The following GPM6A variants were observed in gnomAD, a reference collection of about 807,000 sequenced individuals.
GPM6A encodes neuronal membrane glycoprotein M6-a.
In GPM6A, 7 loss-of-function variants were observed where a neutral mutation model predicts 32.1. That is an observed-to-expected ratio of 0.22 (90% CI 0.12 to 0.41). The LOEUF is 0.41. Among genes scored for constraint, GPM6A ranks in the 10% least tolerant of loss-of-function variants. The probability of loss-of-function intolerance (pLI) is 1.00; values close to 1 mark genes in which losing one functional copy is unlikely to be tolerated. For missense variants in GPM6A, 235 were observed against 347.2 expected, an observed-to-expected ratio of 0.68 and a Z score of 2.57; for synonymous variants, 130 against 123.4, an observed-to-expected ratio of 1.05 and a Z score of -0.35.
intron 1 of GPM6A, among the ~76,000 whole-genome samples, chr4:175,750,910 A>G (rs1052281436): frequency 6.6e-6 from 1 of 152,190 alleles, no homozygotes; most frequent in Non-Finnish European, 1.5e-5. Context: ...CTTTTAAAAT[A>G]GTTCCAGATG....
intron 1 of GPM6A, among the ~76,000 whole-genome samples, chr4:175,737,165 T>C (rs922788122): frequency 3.9e-5 from 6 of 152,186 alleles, no homozygotes; most frequent in Non-Finnish European, 8.8e-5. Flanking sequence ...TTTTGAACAC[T>C]CAAAACCCAA....
intron 1 of GPM6A, among the ~76,000 whole-genome samples, chr4:175,744,763 T>C (rs1365408195): frequency 6.6e-6 from 1 of 152,138 alleles, no homozygotes; most frequent in Non-Finnish European, 1.5e-5. Flanking sequence ...TGTCCATCAA[T>C]ACAAAACACT....
chr4:175,814,352 A>G (rs1735035528), upstream of GPM6A, among the ~76,000 whole-genome samples: 2 of 152,280 alleles, frequency 1.3e-5, no homozygotes, highest in Middle Eastern at 3.4e-3. Flanking sequence ...TAAATCACCA[A>G]GTAAGTCTTA....
intron 1 of GPM6A, among the ~76,000 whole-genome samples, chr4:175,946,894 A>C (rs562718995): frequency 2.2e-4 from 34 of 152,340 alleles, no homozygotes; most frequent in African/African-American, 7.7e-4. Flanking sequence ...TTATTCACGC[A>C]CAACTTCTGC....
chr4:175,940,840 C>A lies in GPM6A; in HGVS notation c.-23+61469G>T, dbSNP rs191279570. On this transcript the variant is annotated intron_variant, in intron 1 of 7. Coordinates refer to the GPM6A transcript ENST00000280187. ...GCCAGGCTAGTCTCGAACTCTTGAC[C>A]TTGTGATCCGCCAGCCTCAGCTTCC... Among the ~76,000 whole-genome samples the A allele has an allele frequency of 5.1e-3, 779 of 152,324 alleles. 2 individuals carry two copies. Among genetic ancestry groups the A allele is most frequent in the African/African-American group, 0.017 (724 of 41,574 alleles).
At chr4:175,902,090 A>G (rs1737987378) in intron 1 of GPM6A, among the ~76,000 whole-genome samples, 1 of 152,170 alleles carries the variant, frequency 6.6e-6, no homozygotes, top group South Asian at 2.1e-4. Context: ...AACTAGAAAC[A>G]ATCCAAAAGT....
intron 1 of GPM6A, among the ~76,000 whole-genome samples, chr4:175,975,547 A>G (rs569225254): frequency 6.6e-6 from 1 of 152,378 alleles, no homozygotes; most frequent in East Asian, 1.9e-4. Context: ...GAATGGGCAC[A>G]AAACAACCAA....
intron 1 of GPM6A, among the ~76,000 whole-genome samples, chr4:175,899,380 T>C (rs1285227735): frequency 6.6e-6 from 1 of 152,166 alleles, no homozygotes; most frequent in Non-Finnish European, 1.5e-5. Context: ...AAATACATGA[T>C]AAATGCTAAG....
intron 1 of GPM6A, among the ~76,000 whole-genome samples, chr4:175,789,613 G>A (rs1733932035): frequency 6.6e-6 from 1 of 152,166 alleles, no homozygotes; most frequent in Admixed American, 6.5e-5. Flanking sequence ...CCTAGGACAT[G>A]ATAACTTGCT....
rs143520480 is a variant in GPM6A at position 175,981,517 on chromosome 4, C to T, written c.-23+20792G>A. Reference sequence around the variant, plus strand: ...ATTGCCTTTAGAGTCTGGCTTCTTTCACTGAGCATGCATTTAAGATTCATC... The same window carrying T: ...ATTGCCTTTAGAGTCTGGCTTCTTTTACTGAGCATGCATTTAAGATTCATC... On this transcript the variant is annotated intron_variant, in intron 1 of 7. Coordinates refer to the GPM6A transcript ENST00000280187. Among the ~76,000 whole-genome samples, 32 of 152,272 alleles carry T rather than the reference C, an allele frequency of 2.1e-4. 1 individual carries two copies. In the East Asian group the frequency reaches 5.8e-3, roughly 28 times the overall value.
intron 1 of GPM6A, among the ~76,000 whole-genome samples, chr4:175,734,003 T>A (rs763636103): frequency 1.3e-5 from 2 of 152,118 alleles, no homozygotes; most frequent in Non-Finnish European, 2.9e-5. Flanking sequence ...TTTGTTCTAC[T>A]CAAAACTGAA....
rs1741102867 is a variant in GPM6A at position 175,640,920 on chromosome 4, C to G, written c.542-91G>C. Reference sequence around the variant, plus strand: ...TGAGTTTTTGCTAATCAAATCTAAGCAAGTTCCATTTTATCTTATGTTATG... The same window carrying G: ...TGAGTTTTTGCTAATCAAATCTAAGGAAGTTCCATTTTATCTTATGTTATG... On this transcript the variant is annotated intron_variant, in intron 4 of 6. Transcript: ENST00000393658. 12 of 743,820 alleles carry G rather than the reference C, an allele frequency of 1.6e-5. No individual in the cohort carries two copies. The South Asian group carries it at 1.8e-4, about 11-fold the overall frequency. 46.1% of individuals were successfully genotyped at this position (743,820 alleles called of 1,614,324 possible).
intron 1 of GPM6A, among the ~76,000 whole-genome samples, chr4:175,857,188 A>G (rs1448300379): frequency 6.6e-6 from 1 of 152,242 alleles, no homozygotes; most frequent in South Asian, 2.1e-4. Flanking sequence ...AATGTAATTG[A>G]TTCAATAAAC....
At chr4:175,892,854 C>T (rs1019269504) in intron 1 of GPM6A, among the ~76,000 whole-genome samples, 1 of 152,186 alleles carries the variant, frequency 6.6e-6, no homozygotes, top group Non-Finnish European at 1.5e-5. Flanking sequence ...GACTGATTTT[C>T]TTCCAGGGTT....
intron 1 of GPM6A, among the ~76,000 whole-genome samples, chr4:175,869,935 TA>T (rs1169067808): frequency 6.6e-6 from 1 of 152,182 alleles, no homozygotes; most frequent in Non-Finnish European, 1.5e-5. Flanking sequence ...GTATAGGCTT[TA>T]AAAAAATTAC....
intron 1 of GPM6A, among the ~76,000 whole-genome samples, chr4:175,889,757 G>A (rs1737581268): frequency 1.3e-5 from 2 of 151,154 alleles, no homozygotes; most frequent in Non-Finnish European, 2.9e-5. Context: ...AGCTTGCAGT[G>A]AGCCGAGATC....
At chr4:175,970,821 A>G in intron 1 of GPM6A, 3 of 451,962 alleles carry the variant, frequency 6.6e-6, no homozygotes, top group South Asian at 4.7e-5. Context: ...CTACTAAATT[A>G]CTAAGCTGTC....
chr4:175,754,980 C>T (rs1732474076), intron 1 of GPM6A, among the ~76,000 whole-genome samples: 1 of 151,960 alleles, frequency 6.6e-6, no homozygotes, highest in Admixed American at 6.6e-5. Flanking sequence ...AACACACACG[C>T]ACACAATTAC....
At chr4:175,941,545 A>G (rs1739405873) in intron 1 of GPM6A, among the ~76,000 whole-genome samples, 1 of 151,664 alleles carries the variant, frequency 6.6e-6, no homozygotes, top group African/African-American at 2.4e-5. Flanking sequence ...CCCTAACCCC[A>G]CCACCTCCCG....
Sources: allele counts gnomAD v4.1 joint callset (sites outside exome capture counted in the v4.1 genomes callset), GRCh38; gene constraint gnomAD v4.1.1; transcripts MANE v1.5; gene names NCBI Gene and HGNC (gene_info 2026-07-23, HGNC 2026-07-21).